STEAP1B: variants seen among roughly 807,000 people sequenced by gnomAD.
STEAP1B encodes STEAP family member 1B.
Under a neutral mutation model 27.9 loss-of-function variants are expected in STEAP1B, and 13 were observed. That is an observed-to-expected ratio of 0.47 (90% CI 0.30 to 0.74). STEAP1B has a LOEUF of 0.74. Ranked by LOEUF, STEAP1B falls within the 30% of genes least tolerant of loss-of-function variation. The pLI is 0.06. For missense variants in STEAP1B, 250 were observed against 298.7 expected, an observed-to-expected ratio of 0.84 and a Z score of 1.20; for synonymous variants, 86 against 107.1, an observed-to-expected ratio of 0.80 and a Z score of 1.22.
At chr7:22,423,745 T>C (rs528152700) in intron 4 of STEAP1B, among the ~76,000 whole-genome samples, 4 of 152,288 alleles carry the variant, frequency 2.6e-5, no homozygotes, top group South Asian at 4.1e-4. Context: ...CTATTTAAAA[T>C]AGGCCAGGCA....
chr7:22,451,707 A>T (rs770075188), intron 4 of STEAP1B, among the ~76,000 whole-genome samples: 2 of 152,198 alleles, frequency 1.3e-5, no homozygotes, highest in African/African-American at 2.4e-5. Context: ...TGTATGTTGA[A>T]CAATCCTTGC....
intron 4 of STEAP1B, among the ~76,000 whole-genome samples, chr7:22,431,506 T>G (rs1269471279): frequency 6.6e-6 from 1 of 152,256 alleles, no homozygotes; most frequent in Non-Finnish European, 1.5e-5. Flanking sequence ...GAAGATCAGC[T>G]AATCAGAACC....
chr7:22,488,270 G>A (rs1786250793), intron 4 of STEAP1B, among the ~76,000 whole-genome samples: 1 of 152,184 alleles, frequency 6.6e-6, no homozygotes. Flanking sequence ...CCCACAGTGT[G>A]GCAGAGGATA....
intron 4 of STEAP1B, among the ~76,000 whole-genome samples, chr7:22,445,002 T>C (rs1376918440): frequency 6.6e-6 from 1 of 152,138 alleles, no homozygotes; most frequent in Non-Finnish European, 1.5e-5. Context: ...TCAGTCGTCT[T>C]CTCTAACCCA....
intron 4 of STEAP1B, among the ~76,000 whole-genome samples, chr7:22,464,192 A>G (rs1785730616): frequency 6.6e-6 from 1 of 152,236 alleles, no homozygotes; most frequent in Non-Finnish European, 1.5e-5. Flanking sequence ...AATTTAGAAC[A>G]ATGTGTTCGC....
rs1034775634 is a variant in STEAP1B at position 22,462,284 on chromosome 7, GGTTA to G, written c.762+30277_762+30280del. 1.5e-4 allele frequency among the ~76,000 whole-genome samples: 23 copies of G among 150,306 alleles called. No individual in the cohort carries two copies. The East Asian group carries it at 1.6e-3, about 10-fold the overall frequency. On this transcript the variant is annotated intron_variant, in intron 4 of 4. Transcript: ENST00000678116. The stretch of plus-strand genomic sequence containing the variant: ...TTAGGGTACATGTGCACAATGTGCA[GGTTA>G]GTTACATATGTATACATGTGCCATG...
chr7:22,494,901 A>G lies in STEAP1B; in HGVS notation c.-31-15T>C, dbSNP rs1444532992. 1.6e-6 allele frequency: 2 copies of G among 1,277,088 alleles called. No individual in the cohort carries two copies. The allele number at this position is 1,277,088 out of a possible 1,614,324, so 79.1% of individuals were successfully genotyped here. A position where few individuals can be genotyped will look rare whatever the true frequency, so the allele number is the denominator to read the frequency against. On this transcript the variant is annotated splice_polypyrimidine_tract_variant and intron_variant, in intron 1 of 4. Transcript: ENST00000678116. ...GCTTCAGCCACCTGTAAAAATAAAAATAATTACTTTCATGTCTATTCTACT... is the reference window on the plus strand; with the variant it reads ...GCTTCAGCCACCTGTAAAAATAAAAGTAATTACTTTCATGTCTATTCTACT...
At chr7:22,457,009 G>A (rs1785599446) in intron 4 of STEAP1B, among the ~76,000 whole-genome samples, 1 of 117,892 alleles carries the variant, frequency 8.5e-6, no homozygotes, top group Non-Finnish European at 1.8e-5. Context: ...TGGTTCTGAT[G>A]CATGACAAAC....
intron 4 of STEAP1B, chr7:22,492,349 G>GAAAAA (rs1371957621): frequency 1.7e-4 from 32 of 185,100 alleles, no homozygotes; most frequent in South Asian, 4.4e-4. Context: ...AAAAAAAAAG[G>GAAAAA]ATATTTTAAT....
chr7:22,463,656 T>C (rs1562576148), intron 4 of STEAP1B, among the ~76,000 whole-genome samples: 1 of 152,090 alleles, frequency 6.6e-6, no homozygotes, highest in African/African-American at 2.4e-5. Context: ...ACGCCGCGTA[T>C]CTACAACTAT....
intron 3 of STEAP1B, 70 bp downstream of exon 3, chr7:22,493,254 A>C: frequency 1.4e-6 from 2 of 1,450,510 alleles, no homozygotes; most frequent in Non-Finnish European, 1.9e-6. Flanking sequence ...TGATATTACA[A>C]TGAGAAATGA....
At position 22,493,479 on chromosome 7, in the gene STEAP1B, T is replaced by C; in HGVS notation, c.442A>G (p.Lys148Glu). The change falls in exon 3 of 5, where the codon AAG (lysine) becomes GAG (glutamate). Residue 148 changes from lysine (K) to glutamate (E), a missense_variant. Physicochemically the swap from Lys to Glu is moderately conservative, Grantham distance 56. Coordinates refer to ENST00000678116, the MANE Select transcript of STEAP1B (RefSeq NM_001382447.1). ...TTATCCAACCAATGTGGAAACTTCT[T>C]ATACTTGGTTCCATTATGAACTTGG... is the stretch of plus-strand genomic sequence containing the variant. ...IVQVHNGTKY[K>E]KFPHWLDKWM... The C allele has an allele frequency of 5.0e-6, 8 of 1,613,734 alleles. No individual in the cohort carries two copies. Among genetic ancestry groups the C allele is most frequent in the Non-Finnish European group, 6.8e-6 (8 of 1,179,670 alleles).
At chr7:22,480,735 A>C (rs1293500276) in intron 4 of STEAP1B, among the ~76,000 whole-genome samples, 2 of 152,064 alleles carry the variant, frequency 1.3e-5, no homozygotes, top group African/African-American at 4.8e-5. Context: ...TGTTGCTGCT[A>C]TGTTTGGGCT....
chr7:22,446,522 T>C (rs1013597127), intron 4 of STEAP1B, among the ~76,000 whole-genome samples: 1 of 152,244 alleles, frequency 6.6e-6, no homozygotes, highest in Non-Finnish European at 1.5e-5. Flanking sequence ...TGCTATAGGT[T>C]GATAAACACT....
At chr7:22,428,255 A>T (rs1488802795) in intron 4 of STEAP1B, among the ~76,000 whole-genome samples, 2 of 152,188 alleles carry the variant, frequency 1.3e-5, no homozygotes, top group Non-Finnish European at 1.5e-5. Context: ...AGCACAACCC[A>T]TTATCAATTA....
chr7:22,463,603 C>G (rs936391178), intron 4 of STEAP1B, among the ~76,000 whole-genome samples: 3 of 152,198 alleles, frequency 2.0e-5, no homozygotes, highest in African/African-American at 7.2e-5. Context: ...GGTACCAAAA[C>G]AGAGATATAG....
intron 4 of STEAP1B, among the ~76,000 whole-genome samples, chr7:22,471,150 G>A (rs537495817): frequency 6.6e-6 from 1 of 152,244 alleles, no homozygotes; most frequent in South Asian, 2.1e-4. Flanking sequence ...CACAGCTCAG[G>A]GCCCAGTGGG....
chr7:22,486,265 GAAACT>G (rs1786207145), intron 4 of STEAP1B, among the ~76,000 whole-genome samples: 1 of 152,204 alleles, frequency 6.6e-6, no homozygotes, highest in Non-Finnish European at 1.5e-5. Flanking sequence ...GCCGCTGAAG[GAAACT>G]GACTAGAAAG....
intron 4 of STEAP1B, chr7:22,438,903 A>T (rs1442813287): frequency 8.5e-7 from 1 of 1,180,484 alleles, no homozygotes; most frequent in Admixed American, 3.6e-5. Flanking sequence ...TTATTTGGTG[A>T]CATTTTTATT....
Sources: allele counts gnomAD v4.1 joint callset (sites outside exome capture counted in the v4.1 genomes callset), GRCh38; gene constraint gnomAD v4.1.1; transcripts MANE v1.5; gene names NCBI Gene and HGNC (gene_info 2026-07-23, HGNC 2026-07-21).